Variants in MTDH observed in about 807,000 individuals in gnomAD.
The protein encoded by MTDH is protein LYRIC.
In MTDH, 34 loss-of-function variants were observed where a neutral mutation model predicts 72.7. The ratio of observed to expected loss-of-function variants is 0.47; its 90% confidence interval spans 0.36 to 0.62. The LOEUF is 0.62. Ranked by LOEUF, MTDH falls within the 20% of genes least tolerant of loss-of-function variation. MTDH has a pLI of 0.00. For synonymous variants in MTDH, 266 were observed against 268.9 expected (o/e 0.99, Z 0.10); for missense variants, 677 against 699.4 (o/e 0.97, Z 0.36).
chr8:97,714,888 C>T (rs771400455), intron 9 of MTDH, among the ~76,000 whole-genome samples: 2 of 151,288 alleles, frequency 1.3e-5, no homozygotes, highest in African/African-American at 2.4e-5. Flanking sequence ...TGCAGTAGTG[C>T]GATCTCAGCT....
chr8:97,697,431 G>A (rs1230535819), intron 6 of MTDH, among the ~76,000 whole-genome samples: 1 of 140,390 alleles, frequency 7.1e-6, no homozygotes, highest in African/African-American at 2.7e-5. Context: ...TTGTTGCCAG[G>A]CTGGAGTGCA....
intron 2 of MTDH, among the ~76,000 whole-genome samples, chr8:97,664,415 C>T (rs541482605): frequency 4.0e-5 from 6 of 151,736 alleles, no homozygotes; most frequent in African/African-American, 9.7e-5. Context: ...TATTCTGATT[C>T]GAAAAAGTTC....
Position 97,712,874 on chromosome 8 carries a change from T to C in MTDH, c.1273-788T>C, listed in dbSNP as rs528534115. Among the ~76,000 whole-genome samples, 936 of 152,296 alleles carry C rather than the reference T, an allele frequency of 6.1e-3. 7 individuals carry two copies. Among genetic ancestry groups the C allele is most frequent in the Non-Finnish European group, 0.011 (767 of 68,018 alleles). On this transcript the variant is annotated intron_variant, in intron 8 of 11. Coordinates refer to ENST00000336273, the MANE Select transcript of MTDH (RefSeq NM_178812.4). ...TTTTGCATATTTTCTAAGGGGATTTTTTTTTAAACTTGAGTGTTCCTTGTA... is the reference window on the plus strand; with the variant it reads ...TTTTGCATATTTTCTAAGGGGATTTCTTTTTAAACTTGAGTGTTCCTTGTA...
chr8:97,660,325 T>G (rs570480360), intron 1 of MTDH, among the ~76,000 whole-genome samples: 42 of 152,336 alleles, frequency 2.8e-4, no homozygotes, highest in African/African-American at 1.0e-3. Flanking sequence ...TCGGAAAGCT[T>G]CTTACTCCCA....
Position 97,729,011 on chromosome 8 carries a change from G to A in MTDH, c.*4341G>A, listed in dbSNP as rs539062164. ...ACTTCAGCCTGGAACTCCCGGGCTC[G>A]AGCTATATTCTCCCACTTTAGCCTC... On this transcript the variant is annotated 3_prime_UTR_variant, in exon 12 of 12. Transcript: ENST00000336273. 1.8e-3 allele frequency among the ~76,000 whole-genome samples: 271 copies of A among 150,472 alleles called. 1 individual carries two copies. Among genetic ancestry groups the A allele is most frequent in the Non-Finnish European group, 2.7e-3 (180 of 67,732 alleles).
At chr8:97,681,999 G>T (rs1376063611) in intron 2 of MTDH, among the ~76,000 whole-genome samples, 5 of 151,516 alleles carry the variant, frequency 3.3e-5, no homozygotes, top group Admixed American at 1.3e-4. Context: ...CTGTGGTGGA[G>T]CCTGACAACA....
At chr8:97,687,333 G>A in intron 3 of MTDH, 96 bp from the exon 4 acceptor site, 2 of 986,800 alleles carry the variant, frequency 2.0e-6, no homozygotes, top group African/African-American at 1.7e-5. Context: ...AATTTATCAT[G>A]ATATTTTATG....
chr8:97,720,242 G>A (rs1276827294), intron 10 of MTDH, among the ~76,000 whole-genome samples: 1 of 151,924 alleles, frequency 6.6e-6, no homozygotes, highest in Non-Finnish European at 1.5e-5. Context: ...CCAAGATCAC[G>A]CCACTGCACT....
rs1417828172 is a variant in MTDH at position 97,728,565 on chromosome 8, G to T, written c.*3895G>T. The stretch of plus-strand genomic sequence containing the variant: ...AGTTAAGGAAATTAAAACTTGGCAT[G>T]CATTAGTTCATATGTATGAGGTTGG... On this transcript the variant is annotated 3_prime_UTR_variant, in exon 12 of 12. Coordinates refer to ENST00000336273, the MANE Select transcript of MTDH (RefSeq NM_178812.4). The T allele has an allele frequency of 6.6e-6, 1 of 152,042 alleles. No individual in the cohort carries two copies. Among genetic ancestry groups the T allele is most frequent in the Non-Finnish European group, 1.5e-5 (1 of 68,018 alleles). 9.4% of individuals were successfully genotyped at this position (152,042 alleles called of 1,614,324 possible). A position where few individuals can be genotyped will look rare whatever the true frequency, so the allele number is the denominator to read the frequency against.
chr8:97,711,148 G>C (rs1814614684), intron 8 of MTDH, among the ~76,000 whole-genome samples: 1 of 151,954 alleles, frequency 6.6e-6, no homozygotes, highest in African/African-American at 2.4e-5. Flanking sequence ...CTCAAATTCA[G>C]TTTTTTAAAT....
intron 2 of MTDH, among the ~76,000 whole-genome samples, chr8:97,672,528 A>G (rs568225115): frequency 6.6e-6 from 1 of 152,352 alleles, no homozygotes; most frequent in Non-Finnish European, 1.5e-5. Context: ...GTAAAAAAGA[A>G]TACCATACCA....
rs538769022 is a variant in MTDH, at chr8:97,697,649, T to G, written c.1049-2105T>G. Reference sequence around the variant, plus strand: ...ATCCACCTGCCTTGGCCTCCCAAAGTGCTGGGATTACAGGCATGAGCCACC... The same window carrying G: ...ATCCACCTGCCTTGGCCTCCCAAAGGGCTGGGATTACAGGCATGAGCCACC... On this transcript the variant is annotated intron_variant, in intron 6 of 11. Transcript: ENST00000336273. Among the ~76,000 whole-genome samples the G allele has an allele frequency of 2.6e-4, 39 of 152,164 alleles. No individual in the cohort carries two copies. The East Asian group carries it at 7.2e-3, about 28-fold the overall frequency.
At chr8:97,646,332 A>G (rs1212136907) in intron 1 of MTDH, among the ~76,000 whole-genome samples, 5 of 152,210 alleles carry the variant, frequency 3.3e-5, no homozygotes, top group Non-Finnish European at 1.5e-5. Flanking sequence ...TGTGAATACT[A>G]CCATAAGTTA....
At chr8:97,678,050 G>C (rs917778213) in intron 2 of MTDH, among the ~76,000 whole-genome samples, 1 of 152,124 alleles carries the variant, frequency 6.6e-6, no homozygotes, top group African/African-American at 2.4e-5. Flanking sequence ...AAATAAATTA[G>C]TACCAGAGCA....
Position 97,719,069 on chromosome 8 carries a change from A to T in MTDH, c.1401A>T (p.Lys467Asn), listed in dbSNP as rs761882224. Residue 467 changes from lysine to asparagine, a missense_variant, in exon 10 of 12, where the codon AAA becomes AAT. Coordinates refer to ENST00000336273, the MANE Select transcript of MTDH (RefSeq NM_178812.4). The stretch of plus-strand genomic sequence containing the variant: ...TATAGGACACAGAAGAATTAGAAAA[A>T]GAGATTAGAGAAGACCTTCCAGTGA... ...STAQDTEELE[K>N]EIREDLPVNT... is the part of the protein sequence containing the mutation. The T allele has an allele frequency of 1.2e-6, 2 of 1,606,266 alleles. No individual in the cohort carries two copies. The highest frequency in any genetic ancestry group is 1.7e-6 in the Non-Finnish European group (2 of 1,177,122).
rs560690900 is a variant in MTDH at position 97,727,494 on chromosome 8, C to CAAAAGAAAA, written c.*2828_*2829insGAAAAAAAA. 3.0e-4 allele frequency: 39 copies of CAAAAGAAAA among 131,542 alleles called. 1 individual carries two copies. Among genetic ancestry groups the CAAAAGAAAA allele is most frequent in the South Asian group, 7.8e-4 (3 of 3,842 alleles). The allele number at this position is 131,542 out of a possible 1,614,324, so 8.1% of individuals were successfully genotyped here. A position where few individuals can be genotyped will look rare whatever the true frequency, so the allele number is the denominator to read the frequency against. On this transcript the variant is annotated 3_prime_UTR_variant, in exon 12 of 12. Coordinates refer to ENST00000336273, the MANE Select transcript of MTDH (RefSeq NM_178812.4). The stretch of plus-strand genomic sequence containing the variant: ...AGCATGAAAGAGCGAGACTCAATCT[C>CAAAAGAAAA]AAAAAAAAAAAAGTTTCTGGCACCT...
Position 97,644,794 on chromosome 8 carries a change from G to T in MTDH, c.288G>T (p.Pro96=). 1.9e-6 allele frequency: 3 copies of T among 1,550,794 alleles called. No homozygotes were observed. The highest frequency in any genetic ancestry group is 2.6e-6 in the Non-Finnish European group (3 of 1,158,622). The change falls in exon 1 of 12, where the codon CCG becomes CCT. Residue 96 remains proline, a synonymous_variant. Transcript: ENST00000336273. ...PRKREEAAAV[P]AAAPDDLALL... ...AGCGGGAGGAGGCGGCGGCCGTGCC[G>T]GCCGCGGCCCCCGACGACCTGGCCT...
rs186460683 is a variant in MTDH at position 97,687,051 on chromosome 8, C to G, written c.568+299C>G. Among the ~76,000 whole-genome samples the G allele has an allele frequency of 5.7e-4, 86 of 152,068 alleles. No homozygotes were observed. The highest frequency in any genetic ancestry group is 1.9e-3 in the African/African-American group (80 of 41,484). Reference sequence around the variant, plus strand: ...AATTATGGTTTGTTTGTTTTTCCCCCGTGGTTCTTAAATATACCATTTATT... The same window carrying G: ...AATTATGGTTTGTTTGTTTTTCCCCGGTGGTTCTTAAATATACCATTTATT... On this transcript the variant is annotated intron_variant, in intron 3 of 11. Coordinates refer to ENST00000336273, the MANE Select transcript of MTDH (RefSeq NM_178812.4).
intron 6 of MTDH, chr8:97,696,384 T>C: frequency 1.9e-6 from 1 of 525,798 alleles, no homozygotes; most frequent in Non-Finnish European, 2.4e-6. Flanking sequence ...CATCAAGTAC[T>C]GCTATCAATA....
Sources: gnomAD v4.1 joint callset for allele counts (sites outside exome capture counted in the v4.1 genomes callset) on GRCh38, gnomAD v4.1.1 for gene constraint, MANE v1.5 for transcripts, NCBI Gene and HGNC (gene_info 2026-07-23, HGNC 2026-07-21) for gene names.